Variants in NOL4 observed in about 807,000 individuals in gnomAD.
The protein encoded by NOL4 is nucleolar protein 4, also known as cancer/testis antigen 125.
Under a neutral mutation model 75.9 loss-of-function variants are expected in NOL4, and 17 were observed. The ratio of observed to expected loss-of-function variants is 0.22; its 90% CI spans 0.15 to 0.34. NOL4 has a LOEUF of 0.34. Ranked by LOEUF, NOL4 falls within the 10% of genes least tolerant of loss-of-function variation. The pLI, the probability that NOL4 is intolerant of heterozygous loss-of-function variation, is 1.00. For synonymous variants in NOL4, 292 were observed against 289.9 expected (o/e 1.01, Z -0.07); for missense variants, 614 against 793.5 (o/e 0.77, Z 2.72).
At chr18:34,167,771 C>T (rs1001305099) in intron 1 of NOL4, among the ~76,000 whole-genome samples, 1 of 151,960 alleles carries the variant, frequency 6.6e-6, no homozygotes, top group Non-Finnish European at 1.5e-5. Flanking sequence ...TACCAGGAAC[C>T]ATAACATCTG....
chr18:33,880,522 A>C (rs2064202107), intron 10 of NOL4, among the ~76,000 whole-genome samples: 1 of 152,086 alleles, frequency 6.6e-6, no homozygotes, highest in Non-Finnish European at 1.5e-5. Flanking sequence ...AAATTCCTAA[A>C]AATTTACCAA....
At chr18:34,059,652 T>G (rs1187862694) in intron 5 of NOL4, among the ~76,000 whole-genome samples, 1 of 152,106 alleles carries the variant, frequency 6.6e-6, no homozygotes, top group African/African-American at 2.4e-5. Context: ...CCTCCCTAAA[T>G]CTGGAGTGGT....
At chr18:33,955,634 C>T (rs541405899) in intron 8 of NOL4, among the ~76,000 whole-genome samples, 4 of 152,038 alleles carry the variant, frequency 2.6e-5, no homozygotes, top group South Asian at 2.1e-4. Flanking sequence ...TTCACAGTCC[C>T]GGTGTTGAGA....
chr18:34,170,393 T>C (rs574313038), intron 1 of NOL4, among the ~76,000 whole-genome samples: 14 of 152,116 alleles, frequency 9.2e-5, no homozygotes, highest in African/African-American at 2.9e-4. Context: ...GGTTTCACCA[T>C]GTTGGCCAGG....
At chr18:33,905,313 T>C (rs2065970187) in intron 9 of NOL4, among the ~76,000 whole-genome samples, 1 of 152,102 alleles carries the variant, frequency 6.6e-6, no homozygotes, top group Non-Finnish European at 1.5e-5. Context: ...CACCAATTTG[T>C]TGCCAAGTGA....
At chr18:34,215,847 A>G (rs1421502717) in intron 1 of NOL4, among the ~76,000 whole-genome samples, 2 of 152,168 alleles carry the variant, frequency 1.3e-5, no homozygotes, top group Non-Finnish European at 2.9e-5. Context: ...TGTTGACTGC[A>G]AGCCTTAGCA....
chr18:34,046,283 T>C (rs1011644989), intron 5 of NOL4, among the ~76,000 whole-genome samples: 2 of 152,028 alleles, frequency 1.3e-5, no homozygotes, highest in African/African-American at 2.4e-5. Flanking sequence ...TCCTGAAGCA[T>C]TGCCTTTCGA....
intron 9 of NOL4, among the ~76,000 whole-genome samples, chr18:33,908,967 G>A (rs2066229594): frequency 6.6e-6 from 1 of 152,064 alleles, no homozygotes; most frequent in Non-Finnish European, 1.5e-5. Context: ...GACTATGGGT[G>A]TAGCGCATAC....
intron 1 of NOL4, among the ~76,000 whole-genome samples, chr18:34,214,338 G>A (rs2036728620): frequency 6.8e-6 from 1 of 146,012 alleles, no homozygotes; most frequent in Non-Finnish European, 1.5e-5. Context: ...AGTATTGGTA[G>A]AGTGTTATAT....
rs34541348 is a variant in NOL4, at chr18:34,059,510, T to G, written c.772+33955A>C. On this transcript the variant is annotated intron_variant, in intron 5 of 10. Coordinates refer to ENST00000261592, the MANE Select transcript of NOL4 (RefSeq NM_003787.5). ...GAAGCCTCACCTGAATGCACCCAGA[T>G]TGATAGATTATCTTCTTCAGGGTTT... Among the ~76,000 whole-genome samples the G allele has an allele frequency of 9.3e-3, 1,419 of 152,294 alleles. 11 individuals carry two copies. Among genetic ancestry groups the G allele is most frequent in the Non-Finnish European group, 0.016 (1,056 of 68,022 alleles).
At chr18:34,206,522 A>G (rs1386663401) in intron 1 of NOL4, among the ~76,000 whole-genome samples, 1 of 152,130 alleles carries the variant, frequency 6.6e-6, no homozygotes, top group Non-Finnish European at 1.5e-5. Context: ...ATGTTTCACT[A>G]GAGATACAAT....
intron 2 of NOL4, chr18:34,129,033 T>A (rs546278970): frequency 6.1e-6 from 1 of 164,318 alleles, no homozygotes; most frequent in Non-Finnish European, 1.3e-5. Flanking sequence ...CGGATGCACA[T>A]TTTGCTCATA....
At chr18:34,079,954 G>C (rs2077926391) in intron 5 of NOL4, among the ~76,000 whole-genome samples, 1 of 152,190 alleles carries the variant, frequency 6.6e-6, no homozygotes, top group African/African-American at 2.4e-5. Context: ...CTTAGCCTAA[G>C]GGCTGTTCAT....
intron 9 of NOL4, among the ~76,000 whole-genome samples, chr18:33,942,634 C>T (rs2068571138): frequency 6.6e-6 from 1 of 151,828 alleles, no homozygotes; most frequent in Admixed American, 6.6e-5. Context: ...TGTACTGTCA[C>T]CACCCTCAGC....
chr18:33,944,935 G>GT (rs1162328267), intron 8 of NOL4, among the ~76,000 whole-genome samples: 2 of 151,860 alleles, frequency 1.3e-5, no homozygotes, highest in African/African-American at 2.4e-5. Context: ...GCTCAAAAAT[G>GT]TAGTCCAACT....
At chr18:34,214,821 T>A (rs1423619848) in intron 1 of NOL4, among the ~76,000 whole-genome samples, 1 of 152,202 alleles carries the variant, frequency 6.6e-6, no homozygotes, top group Non-Finnish European at 1.5e-5. Flanking sequence ...TGGAATATTA[T>A]TCAGCCTTTA....
intron 6 of NOL4, among the ~76,000 whole-genome samples, chr18:34,004,028 C>A (rs1478523029): frequency 6.6e-6 from 1 of 152,060 alleles, no homozygotes; most frequent in Admixed American, 6.6e-5. Flanking sequence ...CTGGAGGCTT[C>A]ATCTGCATAA....
chr18:34,009,288 G>T (rs569216410), intron 6 of NOL4, among the ~76,000 whole-genome samples: 1 of 151,848 alleles, frequency 6.6e-6, no homozygotes, highest in Non-Finnish European at 1.5e-5. Flanking sequence ...GATAATAAGT[G>T]TAACTAAAAG....
chr18:34,058,641 A>G (rs2076933248), intron 5 of NOL4, among the ~76,000 whole-genome samples: 1 of 152,148 alleles, frequency 6.6e-6, no homozygotes, highest in African/African-American at 2.4e-5. Context: ...ATTATCATTA[A>G]TATTGCAATC....
Sources: gnomAD v4.1 joint callset for allele counts (sites outside exome capture counted in the v4.1 genomes callset) on GRCh38, gnomAD v4.1.1 for gene constraint, MANE v1.5 for transcripts, NCBI Gene and HGNC (gene_info 2026-07-23, HGNC 2026-07-21) for gene names.